The following BST1 variants were observed in gnomAD, a reference collection of about 807,000 sequenced individuals.
BST1 encodes the protein ADP-ribosyl cyclase/cyclic ADP-ribose hydrolase 2.
A neutral mutation model predicts 40.6 loss-of-function variants in BST1; 49 were observed. The observed-to-expected ratio is 1.21, with a 90% CI of 0.96 to 1.53. The LOEUF is 1.53. BST1 is among the 40% of genes most tolerant of loss of function. BST1 has a pLI of 0.00. For synonymous variants in BST1, 157 were observed against 159.3 expected (o/e 0.99, Z 0.11); for missense variants, 423 against 395.9 (o/e 1.07, Z -0.58).
chr4:15,739,888 G>A (rs1447798698), downstream of BST1, among the ~76,000 whole-genome samples: 5 of 151,666 alleles, frequency 3.3e-5, no homozygotes, highest in Non-Finnish European at 7.4e-5. Flanking sequence ...GAGGGAAGTC[G>A]GTGAGAGAGA....
chr4:15,760,289 C>T, the BST1 span, among the ~76,000 whole-genome samples: 2 of 151,544 alleles, frequency 1.3e-5, no homozygotes, highest in Admixed American at 6.6e-5. Flanking sequence ...AATAATATTC[C>T]GCTGTGTGGG....
At chr4:15,705,980 G>A (rs1408096444) in intron 2 of BST1, among the ~76,000 whole-genome samples, 2 of 152,170 alleles carry the variant, frequency 1.3e-5, no homozygotes, top group Non-Finnish European at 2.9e-5. Flanking sequence ...GGCAAAGTGG[G>A]AGCAGGTGTC....
the BST1 span, among the ~76,000 whole-genome samples, chr4:15,744,820 A>G: frequency 6.6e-6 from 1 of 152,252 alleles, no homozygotes; most frequent in Admixed American, 6.5e-5. Flanking sequence ...AAATCGTGTT[A>G]GAAACAAGGA....
chr4:15,755,702 T>C, the BST1 span, among the ~76,000 whole-genome samples: 1 of 152,040 alleles, frequency 6.6e-6, no homozygotes, highest in South Asian at 2.1e-4. Context: ...CAATGTAGAG[T>C]GGTGGTTACC....
At chr4:15,736,022 T>C (rs772130700), downstream of BST1, 3 of 1,229,640 alleles carry the variant, frequency 2.4e-6, no homozygotes, top group South Asian at 3.8e-5. Context: ...CATTTTTCTA[T>C]GTGTTTTTAT....
intron 8 of BST1, among the ~76,000 whole-genome samples, chr4:15,729,755 C>T (rs919196033): frequency 9.9e-5 from 15 of 152,040 alleles, no homozygotes; most frequent in African/African-American, 3.4e-4. Flanking sequence ...AAGTGAGAAA[C>T]CAATGCACAG....
intron 4 of BST1, among the ~76,000 whole-genome samples, chr4:15,713,017 C>A (rs957071233): frequency 6.6e-6 from 1 of 152,126 alleles, no homozygotes; most frequent in Non-Finnish European, 1.5e-5. Context: ...TACAAACCAC[C>A]ACCTTATACT....
the BST1 span, among the ~76,000 whole-genome samples, chr4:15,766,064 A>T: frequency 2.0e-5 from 3 of 152,018 alleles, no homozygotes; most frequent in Admixed American, 6.5e-5. Context: ...ATCAACATAC[A>T]GTTGTGCAGT....
downstream of BST1, among the ~76,000 whole-genome samples, chr4:15,741,397 A>G (rs1213821060): frequency 1.3e-5 from 2 of 152,186 alleles, no homozygotes; most frequent in Non-Finnish European, 1.5e-5. Context: ...TAGGAAGAGG[A>G]AAGCTGAGGC....
Position 15,722,920 on chromosome 4 carries a change from C to G in BST1, c.837C>G (p.Asp279Glu), listed in dbSNP as rs745961322. ...LQCVDHSTHPDCALKSAAAAT... is the reference protein window; with the variant it reads ...LQCVDHSTHPECALKSAAAAT... ...GCGTGGACCACAGCACCCATCCTGA[C>G]TGTGCCTTAAAGTCGTAAGTAAATG... Residue 279 changes from aspartate (D) to glutamate (E), a missense_variant, in exon 8 of 9, where the codon GAC becomes GAG. By Grantham distance (45) the Asp-to-Glu change is conservative. Transcript: ENST00000265016. 6.2e-7 allele frequency: 1 copy of G among 1,613,816 alleles called. No homozygotes were observed. Among genetic ancestry groups the G allele is most frequent in the Non-Finnish European group, 8.5e-7 (1 of 1,179,768 alleles).
the BST1 span, among the ~76,000 whole-genome samples, chr4:15,744,737 T>C: frequency 1.3e-5 from 2 of 152,210 alleles, no homozygotes; most frequent in Non-Finnish European, 2.9e-5. Flanking sequence ...GGAGGGCTGA[T>C]TGTTCAATTT....
intron 7 of BST1, among the ~76,000 whole-genome samples, chr4:15,719,196 G>A (rs534117100): frequency 1.9e-4 from 29 of 152,144 alleles, no homozygotes; most frequent in African/African-American, 6.0e-4. Flanking sequence ...CCATCTTCAC[G>A]GCACTGGACG....
chr4:15,768,743 G>A, the BST1 span, among the ~76,000 whole-genome samples: 731 of 151,934 alleles, frequency 4.8e-3, 5 homozygotes, highest in African/African-American at 0.016. Context: ...TGATCCACCC[G>A]CCTCAGCCTC....
the BST1 span, among the ~76,000 whole-genome samples, chr4:15,746,834 C>T: frequency 1.3e-5 from 2 of 152,138 alleles, no homozygotes; most frequent in Non-Finnish European, 2.9e-5. Flanking sequence ...AGCATGGGTG[C>T]TGATAAACTT....
chr4:15,774,117 C>T, the BST1 span, among the ~76,000 whole-genome samples: 51 of 152,148 alleles, frequency 3.4e-4, 1 homozygote, highest in Non-Finnish European at 6.6e-4. Flanking sequence ...GAAAATTGGA[C>T]ACAGAGGAGT....
rs540343821 is a variant in BST1, at chr4:15,731,818, G to A, written c.930G>A (p.Leu310=). 6.2e-7 allele frequency: 1 copy of A among 1,613,536 alleles called. No homozygotes were observed. The highest frequency in any genetic ancestry group is 1.1e-5 in the South Asian group (1 of 90,848). Reference sequence around the variant, plus strand: ...CGGGTCTTATCATTCCCCTCTTTCTGGTGCTGGCTTCCAGGACTCAACTGT... The same window carrying A: ...CGGGTCTTATCATTCCCCTCTTTCTAGTGCTGGCTTCCAGGACTCAACTGT... ...QRAGLIIPLF[L]VLASRTQL Residue 310 remains leucine, a synonymous_variant, in exon 9 of 9, where the codon CTG becomes CTA. Coordinates refer to ENST00000265016, the MANE Select transcript of BST1 (RefSeq NM_004334.3).
chr4:15,771,004 C>T, the BST1 span, among the ~76,000 whole-genome samples: 1 of 152,188 alleles, frequency 6.6e-6, no homozygotes, highest in Non-Finnish European at 1.5e-5. Context: ...CTGGGCTATA[C>T]AGGGATTCCT....
intron 3 of BST1, among the ~76,000 whole-genome samples, chr4:15,710,188 G>C (rs1043813818): frequency 8.6e-5 from 13 of 151,784 alleles, no homozygotes; most frequent in Admixed American, 1.3e-4. Context: ...TGCCCAGGCT[G>C]GTCTTGAACT....
At chr4:15,752,233 G>A in the BST1 span, among the ~76,000 whole-genome samples, 2 of 152,100 alleles carry the variant, frequency 1.3e-5, no homozygotes, top group African/African-American at 4.8e-5. Context: ...GCTTGTATAA[G>A]GAATAAATTG....
Sources: gnomAD v4.1 joint callset for allele counts (sites outside exome capture counted in the v4.1 genomes callset) on GRCh38, gnomAD v4.1.1 for gene constraint, MANE v1.5 for transcripts, NCBI Gene and HGNC (gene_info 2026-07-23, HGNC 2026-07-21) for gene names.